Variants in CTNNA3 observed in about 807,000 individuals in gnomAD.
CTNNA3 encodes catenin alpha 3.
A neutral mutation model predicts 95.7 loss-of-function variants in CTNNA3; 76 were observed. The ratio of observed to expected loss-of-function variants is 0.79; its 90% confidence interval spans 0.66 to 0.96. The LOEUF (loss-of-function observed/expected upper bound fraction) is 0.96, where lower values mean the gene tolerates loss of function less well. Ranked by LOEUF, CTNNA3 falls within the 40% of genes least tolerant of loss-of-function variation. The pLI is 0.00. For missense variants in CTNNA3, 1,191 were observed against 1,089.8 expected (o/e 1.09, Z -1.31); for synonymous variants, 431 against 374.4 (o/e 1.15, Z -1.74).
At chr10:67,234,616 C>G (rs1337320450) in intron 5 of CTNNA3, among the ~76,000 whole-genome samples, 3 of 151,498 alleles carry the variant, frequency 2.0e-5, no homozygotes, top group Non-Finnish European at 4.4e-5. Flanking sequence ...ACAGGGATGC[C>G]CTCTCTCACC....
chr10:67,689,194 A>G (rs1840794073), intron 1 of CTNNA3, among the ~76,000 whole-genome samples: 1 of 152,182 alleles, frequency 6.6e-6, no homozygotes, highest in Non-Finnish European at 1.5e-5. Flanking sequence ...AAGGATCTCC[A>G]GAGTTGGAAG....
chr10:66,750,612 A>G (rs988918261), intron 9 of CTNNA3, among the ~76,000 whole-genome samples: 11 of 152,196 alleles, frequency 7.2e-5, no homozygotes, highest in African/African-American at 2.7e-4. Context: ...TTCAATCATT[A>G]CAGCTTTACA....
chr10:67,485,881 C>T (rs1473816252), intron 5 of CTNNA3, among the ~76,000 whole-genome samples: 1 of 152,186 alleles, frequency 6.6e-6, no homozygotes, highest in Non-Finnish European at 1.5e-5. Context: ...CAACAGTGAT[C>T]ATCTGATAGG....
At chr10:66,331,396 C>T (rs1486930982) in intron 12 of CTNNA3, among the ~76,000 whole-genome samples, 3 of 118,770 alleles carry the variant, frequency 2.5e-5, no homozygotes, top group Non-Finnish European at 4.9e-5. Flanking sequence ...CTCTGTCGCC[C>T]AGGCTGGAGT....
intron 5 of CTNNA3, among the ~76,000 whole-genome samples, chr10:67,260,888 T>C (rs1423636264): frequency 2.6e-5 from 4 of 152,124 alleles, no homozygotes; most frequent in Non-Finnish European, 5.9e-5. Context: ...TTTCTCCATG[T>C]TGGTCAGGCT....
At chr10:67,246,313 T>C (rs527397450) in intron 5 of CTNNA3, among the ~76,000 whole-genome samples, 81 of 152,346 alleles carry the variant, frequency 5.3e-4, no homozygotes, top group African/African-American at 1.9e-3. Context: ...TCTTGCACTC[T>C]AGAGAGAAGT....
Position 66,497,339 on chromosome 10 carries a change from GATGACAAAAACTGCAATT to G in CTNNA3, c.1531+23260_1531+23277del, listed in dbSNP as rs1057265359. On this transcript the variant is annotated intron_variant, in intron 11 of 17. Coordinates refer to ENST00000433211, the MANE Select transcript of CTNNA3 (RefSeq NM_013266.4). Reference sequence around the variant, plus strand: ...TAGTTGCAGTTTTTGTCATCACTTTGATGACAAAAACTGCAATTAAATTTGCATCAACCTATATAAAAC... The same window carrying G: ...TAGTTGCAGTTTTTGTCATCACTTTGAAATTTGCATCAACCTATATAAAAC... Among the ~76,000 whole-genome samples the G allele has an allele frequency of 3.2e-4, 48 of 151,470 alleles. 1 individual carries two copies. In the Middle Eastern group the frequency reaches 0.02, roughly 64 times the overall value.
At position 67,612,859 on chromosome 10, in the gene CTNNA3, T is replaced by C. The variant is rs368320319; in HGVS notation, c.100-5810A>G. 3.3e-5 allele frequency among the ~76,000 whole-genome samples: 5 copies of C among 152,104 alleles called. No homozygotes were observed. In the East Asian group the frequency reaches 9.6e-4, roughly 29 times the overall value. On this transcript the variant is annotated intron_variant, in intron 2 of 17. Transcript: ENST00000433211. ...CATCATTCTCTGCCCCATTCACCAA[T>C]CTATCATTATGAAAAGTGTGTGCAA... is the stretch of plus-strand genomic sequence containing the variant.
intron 11 of CTNNA3, among the ~76,000 whole-genome samples, chr10:66,513,011 G>A (rs1341801857): frequency 6.6e-6 from 1 of 151,860 alleles, no homozygotes; most frequent in African/African-American, 2.4e-5. Flanking sequence ...ATCGATTTGG[G>A]AACATTTGAG....
intron 7 of CTNNA3, among the ~76,000 whole-genome samples, chr10:66,993,217 G>A (rs1851137580): frequency 6.6e-6 from 1 of 152,022 alleles, no homozygotes; most frequent in African/African-American, 2.4e-5. Flanking sequence ...ATCTCTATGT[G>A]GCTATTTGAG....
intron 3 of CTNNA3, among the ~76,000 whole-genome samples, chr10:67,544,239 G>A (rs1287231505): frequency 6.6e-6 from 1 of 152,168 alleles, no homozygotes; most frequent in Non-Finnish European, 1.5e-5. Context: ...GAGAATAACA[G>A]AGACCAGATT....
At chr10:67,170,572 A>C (rs1335249185) in intron 7 of CTNNA3, among the ~76,000 whole-genome samples, 1 of 152,192 alleles carries the variant, frequency 6.6e-6, no homozygotes, top group Non-Finnish European at 1.5e-5. Flanking sequence ...AATGACAAGA[A>C]CTTATAAACA....
intron 15 of CTNNA3, among the ~76,000 whole-genome samples, chr10:66,023,720 T>A (rs555449184): frequency 6.6e-6 from 1 of 152,324 alleles, no homozygotes; most frequent in East Asian, 1.9e-4. Flanking sequence ...GAGTCTCACT[T>A]CCTCACCCAT....
intron 15 of CTNNA3, among the ~76,000 whole-genome samples, chr10:66,043,373 G>C (rs12255816): frequency 6.6e-6 from 1 of 152,146 alleles, no homozygotes; most frequent in Non-Finnish European, 1.5e-5. Context: ...TAGTCATTAA[G>C]AGAGCACTGT....
At chr10:67,513,677 A>G (rs1475159839) in intron 5 of CTNNA3, among the ~76,000 whole-genome samples, 2 of 152,216 alleles carry the variant, frequency 1.3e-5, no homozygotes, top group African/African-American at 4.8e-5. Flanking sequence ...GCCTTTCATT[A>G]TAGCCATATA....
At chr10:66,384,043 A>G (rs2092866679) in intron 11 of CTNNA3, among the ~76,000 whole-genome samples, 1 of 152,142 alleles carries the variant, frequency 6.6e-6, no homozygotes, top group Non-Finnish European at 1.5e-5. Flanking sequence ...ATCAACTAAC[A>G]GGCAAAATAG....
chr10:66,120,201 A>T, intron 13 of CTNNA3, among the ~76,000 whole-genome samples: 1 of 152,276 alleles, frequency 6.6e-6, no homozygotes, highest in South Asian at 2.1e-4. Context: ...ATGATAAACC[A>T]TGGATAAGAA....
chr10:67,154,591 T>A (rs1004564247), intron 7 of CTNNA3, among the ~76,000 whole-genome samples: 3 of 152,236 alleles, frequency 2.0e-5, no homozygotes, highest in Admixed American at 2.0e-4. Flanking sequence ...TTAGCTCAAA[T>A]GGACAACCAT....
chr10:67,312,943 G>C (rs1840871659), intron 5 of CTNNA3, among the ~76,000 whole-genome samples: 1 of 152,030 alleles, frequency 6.6e-6, no homozygotes, highest in Non-Finnish European at 1.5e-5. Flanking sequence ...CATAATTTGT[G>C]AATAATTTAC....
Sources: gnomAD v4.1 joint callset for allele counts (sites outside exome capture counted in the v4.1 genomes callset) on GRCh38, gnomAD v4.1.1 for gene constraint, MANE v1.5 for transcripts, NCBI Gene and HGNC (gene_info 2026-07-23, HGNC 2026-07-21) for gene names.